USP34: variants seen among roughly 807,000 people sequenced by gnomAD.
USP34 encodes the protein ubiquitin specific peptidase 34.
USP34 carries 70 observed loss-of-function variants against 460.3 expected under a neutral mutation model. The ratio of observed to expected loss-of-function variants is 0.15; its 90% CI spans 0.13 to 0.19. The LOEUF (loss-of-function observed/expected upper bound fraction) is 0.19. Ranked by LOEUF, USP34 falls within the 10% of genes least tolerant of loss-of-function variation. USP34 has a pLI of 1.00. For synonymous variants in USP34, 1,647 were observed against 1,405.3 expected (o/e 1.17, Z -3.85); for missense variants, 3,985 against 4,236.2 (o/e 0.94, Z 1.65).
At chr2:61,443,051 A>G (rs577417799) in intron 1 of USP34, among the ~76,000 whole-genome samples, 21 of 106,720 alleles carry the variant, frequency 2.0e-4, no homozygotes, top group African/African-American at 1.9e-4. Context: ...GTTAAACACC[A>G]TAAGTTCTTA....
intron 53 of USP34, among the ~76,000 whole-genome samples, chr2:61,238,490 G>C (rs748819204): frequency 6.6e-6 from 1 of 152,040 alleles, no homozygotes; most frequent in Non-Finnish European, 1.5e-5. Flanking sequence ...TCTATTATCT[G>C]TAAGAATCAT....
At chr2:61,440,155 G>C (rs895975252) in intron 1 of USP34, among the ~76,000 whole-genome samples, 2 of 152,142 alleles carry the variant, frequency 1.3e-5, no homozygotes, top group Admixed American at 1.3e-4. Context: ...CTCATCTAGG[G>C]CATCAGGGTG....
At chr2:61,309,967 G>C (rs1690537412) in intron 27 of USP34, among the ~76,000 whole-genome samples, 1 of 151,802 alleles carries the variant, frequency 6.6e-6, no homozygotes, top group Non-Finnish European at 1.5e-5. Flanking sequence ...TTATCCACTA[G>C]GTTTGTGGTT....
At chr2:61,372,363 C>T (rs966474008) in intron 8 of USP34, among the ~76,000 whole-genome samples, 3 of 152,254 alleles carry the variant, frequency 2.0e-5, no homozygotes, top group African/African-American at 7.2e-5. Context: ...CTCTGATTTA[C>T]ATAATAGTTC....
At chr2:61,251,281 A>G (rs572332143) in intron 48 of USP34, among the ~76,000 whole-genome samples, 7 of 152,370 alleles carry the variant, frequency 4.6e-5, no homozygotes, top group South Asian at 2.1e-4. Context: ...AAAATTATCT[A>G]TAACTTAATT....
chr2:61,447,243 A>C (rs1695145304), intron 1 of USP34, among the ~76,000 whole-genome samples: 1 of 126,234 alleles, frequency 7.9e-6, no homozygotes, highest in South Asian at 2.7e-4. Flanking sequence ...CAACAGAGTG[A>C]AACTGTCTTC....
At chr2:61,257,880 T>TCAAAA (rs1454878920) in intron 44 of USP34, among the ~76,000 whole-genome samples, 4 of 151,810 alleles carry the variant, frequency 2.6e-5, no homozygotes, top group Non-Finnish European at 2.9e-5. Flanking sequence ...TCCAAAAAAA[T>TCAAAA]CAAAACAAAA....
rs1293282774 is a variant in USP34 at position 61,240,059 on chromosome 2, T to A, written c.6777+1501A>T. Among the ~76,000 whole-genome samples, 3 of 151,130 alleles carry A rather than the reference T, an allele frequency of 2.0e-5. 1 individual carries two copies. The highest frequency in any genetic ancestry group is 4.4e-5 in the Non-Finnish European group (3 of 67,740). On this transcript the variant is annotated intron_variant, in intron 53 of 79. Transcript: ENST00000398571. ...GATCCCAATATTACAAAAAAAAAAT[T>A]TTTTTTTTATCCAGATAGTAAAAGC...
chr2:61,405,503 A>G (rs1184990026), intron 3 of USP34, among the ~76,000 whole-genome samples: 1 of 152,208 alleles, frequency 6.6e-6, no homozygotes, highest in Non-Finnish European at 1.5e-5. Flanking sequence ...TTCAATGTAT[A>G]GATCTTTCCT....
chr2:61,403,971 C>T (rs569678858), intron 3 of USP34, among the ~76,000 whole-genome samples: 139 of 110,532 alleles, frequency 1.3e-3, no homozygotes, highest in Non-Finnish European at 1.1e-3. Context: ...CCAGCCTGGG[C>T]GACAGATCAA....
At chr2:61,261,656 G>T (rs1445962510) in intron 43 of USP34, among the ~76,000 whole-genome samples, 5 of 152,100 alleles carry the variant, frequency 3.3e-5, no homozygotes, top group Non-Finnish European at 7.4e-5. Flanking sequence ...TGAATTTAAT[G>T]TTGCATATAT....
intron 79 of USP34, 83 bp from the exon 80 acceptor site, chr2:61,188,792 T>C (rs946240783): frequency 1.3e-6 from 2 of 1,565,778 alleles, no homozygotes; most frequent in Non-Finnish European, 1.7e-6. Flanking sequence ...GTTAATTTTG[T>C]TTCTAGCATT....
chr2:61,229,782 T>C (rs529255834), intron 58 of USP34, 149 bp from the exon 59 acceptor site: 4 of 589,800 alleles, frequency 6.8e-6, no homozygotes, highest in East Asian at 3.1e-5. Context: ...GTCTCAACAA[T>C]GGACTAAGGA....
At chr2:61,452,854 A>C (rs910682647) in intron 1 of USP34, among the ~76,000 whole-genome samples, 12 of 142,706 alleles carry the variant, frequency 8.4e-5, no homozygotes, top group Admixed American at 6.8e-4. Context: ...CACTCACTAC[A>C]CTCCAGCCCT....
intron 2 of USP34, among the ~76,000 whole-genome samples, chr2:61,406,382 C>A (rs1160373825): frequency 6.6e-6 from 1 of 152,084 alleles, no homozygotes; most frequent in East Asian, 1.9e-4. Context: ...TGTCCTTCTA[C>A]ACATGGAACT....
chr2:61,234,956 A>C (rs1688021613), intron 57 of USP34, among the ~76,000 whole-genome samples: 1 of 152,156 alleles, frequency 6.6e-6, no homozygotes, highest in Non-Finnish European at 1.5e-5. Context: ...GTTTTAAATA[A>C]ATTCTGGGGA....
At chr2:61,306,225 C>G (rs996483486) in intron 27 of USP34, among the ~76,000 whole-genome samples, 7 of 152,158 alleles carry the variant, frequency 4.6e-5, no homozygotes, top group African/African-American at 1.4e-4. Flanking sequence ...AGTCTTTAAT[C>G]CATCTTGAAT....
intron 69 of USP34, among the ~76,000 whole-genome samples, chr2:61,211,036 G>A (rs1050921452): frequency 3.3e-5 from 5 of 152,094 alleles, no homozygotes; most frequent in South Asian, 2.1e-4. Flanking sequence ...TAAGAAATCC[G>A]GCAAAGGCGT....
intron 75 of USP34, among the ~76,000 whole-genome samples, chr2:61,197,143 G>A (rs1686833546): frequency 6.6e-6 from 1 of 151,674 alleles, no homozygotes; most frequent in South Asian, 2.1e-4. Context: ...AATTAGTTGG[G>A]CATGTAATCC....
Sources: allele counts gnomAD v4.1 joint callset (sites outside exome capture counted in the v4.1 genomes callset), GRCh38; gene constraint gnomAD v4.1.1; transcripts MANE v1.5; gene names NCBI Gene and HGNC (gene_info 2026-07-23, HGNC 2026-07-21).